The following SLCO4C1 variants were observed in gnomAD, a reference collection of about 807,000 sequenced individuals.
The protein encoded by SLCO4C1 is organic anion transporter M1.
SLCO4C1 carries 58 observed loss-of-function variants against 72.1 expected under a neutral mutation model. The ratio of observed to expected loss-of-function variants is 0.80; its 90% CI spans 0.65 to 1.00. The LOEUF (loss-of-function observed/expected upper bound fraction) is 1.00, where lower values mean the gene tolerates loss of function less well. Ranked by LOEUF, SLCO4C1 falls within the 50% of genes least tolerant of loss-of-function variation. The probability of loss-of-function intolerance (pLI) is 0.00; values close to 1 mark genes in which losing one functional copy is unlikely to be tolerated. For synonymous variants in SLCO4C1, 297 were observed against 312.5 expected, an observed-to-expected ratio of 0.95 and a Z score of 0.52; for missense variants, 898 against 857.9, an observed-to-expected ratio of 1.05 and a Z score of -0.58.
intron 1 of SLCO4C1, among the ~76,000 whole-genome samples, chr5:102,294,865 A>T (rs979705177): frequency 2.0e-5 from 3 of 152,242 alleles, no homozygotes; most frequent in African/African-American, 7.2e-5. Context: ...ATTAACTTAA[A>T]AAATGAGCTG....
chr5:102,256,169 A>G (rs1347201791), intron 8 of SLCO4C1, among the ~76,000 whole-genome samples: 1 of 152,152 alleles, frequency 6.6e-6, no homozygotes, highest in Non-Finnish European at 1.5e-5. Flanking sequence ...GTGCCACTGC[A>G]CTCCAGCCTG....
intron 9 of SLCO4C1, among the ~76,000 whole-genome samples, chr5:102,247,917 CTTTTT>C (rs55692838): frequency 1.9e-5 from 2 of 107,432 alleles, no homozygotes; most frequent in Non-Finnish European, 1.9e-5. Flanking sequence ...AGGCCAGAAA[CTTTTT>C]TTTTTTTTTT....
At chr5:102,260,366 TA>T (rs1340521859) in intron 5 of SLCO4C1, 47 bp from the exon 6 acceptor site, 2 of 221,360 alleles carry the variant, frequency 9.0e-6, no homozygotes, top group African/African-American at 5.9e-5. Context: ...ATTATACATA[TA>T]ATATATTATA....
At chr5:102,260,355 T>G in intron 5 of SLCO4C1, 36 bp from the exon 6 acceptor site, 1 of 241,144 alleles carries the variant, frequency 4.1e-6, no homozygotes, top group Non-Finnish European at 6.4e-6. Context: ...ATAATATATA[T>G]ATTATACATA....
intron 12 of SLCO4C1, among the ~76,000 whole-genome samples, chr5:102,237,380 A>T (rs1748456654): frequency 6.6e-6 from 1 of 152,042 alleles, no homozygotes; most frequent in Admixed American, 6.6e-5. Context: ...AGAGAGGTGG[A>T]TGTCTTGAGT....
rs1267868570 is a variant in SLCO4C1 at position 102,236,915 on chromosome 5, T to C, written c.2118A>G (p.Ala706=). 1 of 1,613,206 alleles carries C rather than the reference T, an allele frequency of 6.2e-7. No homozygotes were observed. The highest frequency in any genetic ancestry group is 2.2e-5 in the East Asian group (1 of 44,772). The change falls in exon 13 of 13, where the codon GCA becomes GCG. Residue 706 remains alanine (A), a synonymous_variant. Coordinates refer to ENST00000310954, the MANE Select transcript of SLCO4C1 (RefSeq NM_180991.5). ...ATDVSFHKEN[A]VVTNVLAEQD... ...GTTCTGCTAAAACATTAGTCACAAC[T>C]GCATTCTCTTTATGAAATGACACAT...
At chr5:102,286,361 A>G (rs1226677877) in intron 2 of SLCO4C1, among the ~76,000 whole-genome samples, 1 of 152,170 alleles carries the variant, frequency 6.6e-6, no homozygotes. Context: ...CAAAGTCTCA[A>G]AGAGACATAA....
chr5:102,239,052 A>G (rs1237667849), intron 12 of SLCO4C1, among the ~76,000 whole-genome samples, 199 bp downstream of exon 12: 1 of 152,154 alleles, frequency 6.6e-6, no homozygotes, highest in Non-Finnish European at 1.5e-5. Context: ...TTTAGTACTG[A>G]GCCTTGCAAA....
In SLCO4C1 at chr5:102,249,706, C is replaced by A. The variant is rs760088994; in HGVS notation, c.1552G>T (p.Asp518Tyr). The change falls in exon 9 of 13, where the codon GAT becomes TAT. Residue 518 changes from aspartate to tyrosine, a missense_variant. Coordinates refer to ENST00000310954, the MANE Select transcript of SLCO4C1 (RefSeq NM_180991.5). ...SRSYYYPVCG[D>Y]GVQYFSPCFA... is the part of the protein sequence containing the mutation. ...CAGGGAGAAAAATATTGGACTCCAT[C>A]TCCACAGACAGGATAATAATATGAT... The A allele has an allele frequency of 6.2e-7, 1 of 1,613,992 alleles. No homozygotes were observed. Among genetic ancestry groups the A allele is most frequent in the Non-Finnish European group, 8.5e-7 (1 of 1,179,950 alleles).
rs777364157 is a variant in SLCO4C1, at chr5:102,240,755, T to C, written c.1839A>G (p.Leu613=). 1 of 1,612,000 alleles carries C rather than the reference T, an allele frequency of 6.2e-7. No homozygotes were observed. Residue 613 remains leucine (L), a synonymous_variant, in exon 11 of 13, where the codon CTA becomes CTG. Transcript: ENST00000310954. ...GGACCATAAATTGTATTCCCAAGGC[T>C]AGGGACCGTTGTCTGTGATTAACAC... is the stretch of plus-strand genomic sequence containing the variant. ...LRCVNHRQRS[L]ALGIQFMVLR... is the part of the protein sequence containing the mutation.
In SLCO4C1 at chr5:102,267,171, C is replaced by T. The variant is rs142641417; in HGVS notation, c.803-3391G>A. On this transcript the variant is annotated intron_variant, in intron 3 of 12. Transcript: ENST00000310954. ...TTAGGAAGAATTCTCTCCTCTTCAA[C>T]TATCTGGAATAGTTTGAAAAGAACT... is the stretch of plus-strand genomic sequence containing the variant. 1.2e-3 allele frequency among the ~76,000 whole-genome samples: 188 copies of T among 152,254 alleles called. 1 individual carries two copies. The highest frequency in any genetic ancestry group is 4.5e-3 in the African/African-American group (185 of 41,556).
chr5:102,259,800 T>C (rs1438877732), intron 6 of SLCO4C1, among the ~76,000 whole-genome samples: 1 of 152,146 alleles, frequency 6.6e-6, no homozygotes, highest in African/African-American at 2.4e-5. Context: ...AAGGAAAATG[T>C]CATGGAATAA....
In SLCO4C1 at chr5:102,263,892, C is replaced by A. The variant is rs11957175; in HGVS notation, c.803-112G>T. 2.2e-3 allele frequency: 1,549 copies of A among 715,922 alleles called. 23 individuals are homozygous for A. The African/African-American group carries it at 0.024, about 11-fold the overall frequency. The allele number at this position is 715,922 out of a possible 1,614,324, so 44.3% of individuals were successfully genotyped here. A position where few individuals can be genotyped will look rare whatever the true frequency, so the allele number is the denominator to read the frequency against. On this transcript the variant is annotated intron_variant, in intron 3 of 12. Transcript: ENST00000310954. Reference sequence around the variant, plus strand: ...GAAAAATCTAAACAATTAAACATATCAAAATCACACATATTTTCACTAAAA... The same window carrying A: ...GAAAAATCTAAACAATTAAACATATAAAAATCACACATATTTTCACTAAAA...
At chr5:102,295,835 T>C in intron 1 of SLCO4C1, 73 bp downstream of exon 1, 2 of 1,459,626 alleles carry the variant, frequency 1.4e-6, no homozygotes, top group Non-Finnish European at 1.8e-6. Context: ...GCACCTGCCC[T>C]CTCCCCCGGC....
Position 102,270,813 on chromosome 5 carries a change from G to GT in SLCO4C1, c.620-8_620-7insA. ...CTTGTTGTTACACAAGTGTCTTTGTGGAAAAAAAAATTGTGAATTTATAGA... is the reference window on the plus strand; with the variant it reads ...CTTGTTGTTACACAAGTGTCTTTGTGTGAAAAAAAAATTGTGAATTTATAGA... On this transcript the variant is annotated splice_region_variant and splice_polypyrimidine_tract_variant and intron_variant, in intron 2 of 12. Transcript: ENST00000310954. 6.8e-7 allele frequency: 1 copy of GT among 1,459,998 alleles called. No individual in the cohort carries two copies. The allele number at this position is 1,459,998 out of a possible 1,614,324, so 90.4% of individuals were successfully genotyped here. A position where few individuals can be genotyped will look rare whatever the true frequency, so the allele number is the denominator to read the frequency against.
intron 3 of SLCO4C1, among the ~76,000 whole-genome samples, chr5:102,264,051 G>T (rs1748991221): frequency 6.6e-6 from 1 of 152,002 alleles, no homozygotes; most frequent in Admixed American, 6.6e-5. Context: ...TGGCAGTAGA[G>T]GTAGTATATC....
chr5:102,265,753 G>A (rs114389416), intron 3 of SLCO4C1, among the ~76,000 whole-genome samples: 295 of 152,030 alleles, frequency 1.9e-3, no homozygotes, highest in African/African-American at 6.8e-3. Context: ...TGATGCTTTC[G>A]GTTTTGTTCT....
chr5:102,240,781 A>T lies in SLCO4C1; in HGVS notation c.1813T>A (p.Cys605Ser). The change falls in exon 11 of 13, where the codon TGT (cysteine) becomes AGT (serine). Residue 605 changes from cysteine to serine, a missense_variant and splice_region_variant. By Grantham distance (112) the Cys-to-Ser change is moderately radical (BLOSUM62 -1). Coordinates refer to ENST00000310954, the MANE Select transcript of SLCO4C1 (RefSeq NM_180991.5). The stretch of plus-strand genomic sequence containing the variant: ...AGGGACCGTTGTCTGTGATTAACAC[A>T]CCTGGAAATATTAAATATATATGAG... ...GTPITVSILR[C>S]VNHRQRSLAL... 6.2e-7 allele frequency: 1 copy of T among 1,609,618 alleles called. No homozygotes were observed. Among genetic ancestry groups the T allele is most frequent in the Non-Finnish European group, 8.5e-7 (1 of 1,176,808 alleles).
At chr5:102,275,912 G>T (rs2112383129) in intron 2 of SLCO4C1, among the ~76,000 whole-genome samples, 1 of 152,144 alleles carries the variant, frequency 6.6e-6, no homozygotes, top group Admixed American at 6.5e-5. Context: ...AGTGTCAAAA[G>T]AAACAAAACA....
Sources: allele counts gnomAD v4.1 joint callset (sites outside exome capture counted in the v4.1 genomes callset), GRCh38; gene constraint gnomAD v4.1.1; transcripts MANE v1.5; gene names NCBI Gene and HGNC (gene_info 2026-07-23, HGNC 2026-07-21).